ELOVL2: variants seen among roughly 807,000 people sequenced by gnomAD.
ELOVL2 encodes the protein ELOVL fatty acid elongase 2, also known as very long chain fatty acid elongase 2.
In ELOVL2, 38 loss-of-function variants were observed where a neutral mutation model predicts 37.7. The ratio of observed to expected loss-of-function variants is 1.01; its 90% CI spans 0.78 to 1.32. ELOVL2 has a LOEUF of 1.32. Ranked by LOEUF, ELOVL2 falls within the 40% of genes most tolerant of loss-of-function variation. The pLI, the probability that ELOVL2 is intolerant of heterozygous loss-of-function variation, is 0.00. For synonymous variants in ELOVL2, 115 were observed against 122.3 expected (o/e 0.94, Z 0.40); for missense variants, 352 against 363.6 (o/e 0.97, Z 0.26).
At chr6:11,029,449 G>C (rs1009170838) in intron 1 of ELOVL2, among the ~76,000 whole-genome samples, 16 of 152,226 alleles carry the variant, frequency 1.1e-4, no homozygotes, top group African/African-American at 3.9e-4. Context: ...ACTTGTAAAA[G>C]CATCTATGAC....
At position 11,027,368 on chromosome 6, in the gene ELOVL2, G is replaced by A. The variant is rs115952879; in HGVS notation, c.4-16559C>T. 6.3e-3 allele frequency among the ~76,000 whole-genome samples: 961 copies of A among 152,134 alleles called. 13 individuals are homozygous for A. Among genetic ancestry groups the A allele is most frequent in the African/African-American group, 0.022 (908 of 41,498 alleles). On this transcript the variant is annotated intron_variant, in intron 1 of 7. Transcript: ENST00000354666. ...GAGTAGGAGCAGCTTATTGGCTCTCGTCATATGGGAGAGTCATGGACTTTT... is the reference window on the plus strand; with the variant it reads ...GAGTAGGAGCAGCTTATTGGCTCTCATCATATGGGAGAGTCATGGACTTTT...
intron 7 of ELOVL2, among the ~76,000 whole-genome samples, chr6:10,985,772 C>T (rs1038119490): frequency 6.6e-6 from 1 of 152,190 alleles, no homozygotes; most frequent in African/African-American, 2.4e-5. Flanking sequence ...AGTTTGAAGT[C>T]AGGTAGCGTG....
chr6:10,989,683 A>G lies in ELOVL2; in HGVS notation c.765+20T>C. The G allele has an allele frequency of 6.2e-7, 1 of 1,610,634 alleles. No homozygotes were observed. Among genetic ancestry groups the G allele is most frequent in the Non-Finnish European group, 8.5e-7 (1 of 1,177,674 alleles). ...GCCAATCGATTACATTTTACTGCTGAATATTTACATTCCACGTACCTGAAC... is the reference window on the plus strand; with the variant it reads ...GCCAATCGATTACATTTTACTGCTGGATATTTACATTCCACGTACCTGAAC... On this transcript the variant is annotated intron_variant, in intron 7 of 7. Transcript: ENST00000354666.
At chr6:11,034,794 G>A (rs543725364) in intron 1 of ELOVL2, among the ~76,000 whole-genome samples, 1 of 152,026 alleles carries the variant, frequency 6.6e-6, no homozygotes, top group Non-Finnish European at 1.5e-5. Context: ...CCTGAGGTCC[G>A]GAGTTCGAAA....
chr6:11,037,066 G>GGC (rs1783020273), intron 1 of ELOVL2, among the ~76,000 whole-genome samples: 1 of 75,972 alleles, frequency 1.3e-5, no homozygotes, highest in African/African-American at 7.1e-5. Context: ...GAAAGAGATA[G>GGC]AGAGGCAGAG....
intron 4 of ELOVL2, among the ~76,000 whole-genome samples, chr6:10,995,506 A>G (rs559501336): frequency 5.3e-5 from 8 of 152,194 alleles, no homozygotes; most frequent in African/African-American, 1.9e-4. Flanking sequence ...GCCTCCTGCA[A>G]GCTCCCCACC....
intron 1 of ELOVL2, among the ~76,000 whole-genome samples, chr6:11,013,057 G>T (rs1487690301): frequency 6.6e-6 from 1 of 152,172 alleles, no homozygotes; most frequent in Non-Finnish European, 1.5e-5. Flanking sequence ...GATGGAGAAG[G>T]AAAGAAAGAA....
At chr6:11,018,694 A>C (rs1561724199) in intron 1 of ELOVL2, among the ~76,000 whole-genome samples, 1 of 152,280 alleles carries the variant, frequency 6.6e-6, no homozygotes, top group East Asian at 1.9e-4. Flanking sequence ...CAACAATGAG[A>C]CCATGCACAG....
intron 1 of ELOVL2, chr6:11,043,471 C>CACACACACACACACACACAAA (rs3839416): frequency 4.3e-5 from 6 of 140,654 alleles, no homozygotes; most frequent in Admixed American, 2.9e-4. Context: ...CGGGTGAACA[C>CACACACACACACACACACAAA]ACACACACAC....
At chr6:10,992,253 T>C (rs1420059596) in intron 5 of ELOVL2, among the ~76,000 whole-genome samples, 1 of 152,222 alleles carries the variant, frequency 6.6e-6, no homozygotes, top group South Asian at 2.1e-4. Flanking sequence ...ACTCCAAATA[T>C]CTCTGGGCAC....
chr6:11,042,927 C>A (rs1263030792), intron 1 of ELOVL2, among the ~76,000 whole-genome samples: 1 of 151,036 alleles, frequency 6.6e-6, no homozygotes, highest in Non-Finnish European at 1.5e-5. Context: ...AACGAAATGA[C>A]AAAAATCTGT....
chr6:11,036,337 G>A (rs1783004870), intron 1 of ELOVL2, among the ~76,000 whole-genome samples: 1 of 152,164 alleles, frequency 6.6e-6, no homozygotes, highest in Non-Finnish European at 1.5e-5. Flanking sequence ...AGCCAGTGTG[G>A]TTGCTTTGTA....
chr6:10,996,673 AG>A (rs1200729944), intron 4 of ELOVL2, among the ~76,000 whole-genome samples: 1 of 150,862 alleles, frequency 6.6e-6, no homozygotes. Flanking sequence ...GCCTCAAAAA[AG>A]AAAAAAAAAA....
At chr6:11,014,001 A>G (rs1405365708) in intron 1 of ELOVL2, among the ~76,000 whole-genome samples, 3 of 152,198 alleles carry the variant, frequency 2.0e-5, no homozygotes, top group Admixed American at 2.0e-4. Context: ...CCACTTCCAG[A>G]ACAACTCCTT....
intron 4 of ELOVL2, among the ~76,000 whole-genome samples, chr6:10,997,523 T>A (rs1472317314): frequency 6.6e-6 from 1 of 152,246 alleles, no homozygotes; most frequent in African/African-American, 2.4e-5. Context: ...TTCTAACCAA[T>A]AACAGTTCTC....
intron 1 of ELOVL2, among the ~76,000 whole-genome samples, chr6:11,038,932 AAAAAT>A (rs1211443667): frequency 1.3e-5 from 2 of 152,242 alleles, no homozygotes; most frequent in Admixed American, 1.3e-4. Flanking sequence ...GCTGTGGAAA[AAAAAT>A]AAAGCAGTGT....
intron 3 of ELOVL2, among the ~76,000 whole-genome samples, chr6:11,003,444 G>A (rs1782425439): frequency 6.6e-6 from 1 of 152,156 alleles, no homozygotes; most frequent in Non-Finnish European, 1.5e-5. Flanking sequence ...TGAGAATGAT[G>A]GCTTCCAGTT....
At chr6:10,990,472 T>G (rs375474344) in intron 5 of ELOVL2, 30 bp from the exon 6 acceptor site, 3 of 1,550,368 alleles carry the variant, frequency 1.9e-6, no homozygotes, top group Admixed American at 2.2e-5. Flanking sequence ...AAATCACTAT[T>G]CTTCCAGGAA....
intron 3 of ELOVL2, among the ~76,000 whole-genome samples, chr6:11,003,835 ACT>A (rs1782431741): frequency 6.6e-6 from 1 of 152,034 alleles, no homozygotes; most frequent in African/African-American, 2.4e-5. Flanking sequence ...TAATCCCAGC[ACT>A]CTGGGAGGCC....
Sources: gnomAD v4.1 joint callset for allele counts (sites outside exome capture counted in the v4.1 genomes callset) on GRCh38, gnomAD v4.1.1 for gene constraint, MANE v1.5 for transcripts, NCBI Gene and HGNC (gene_info 2026-07-23, HGNC 2026-07-21) for gene names.